AKAP13: variants seen among roughly 807,000 people sequenced by gnomAD.
The protein encoded by AKAP13 is A-kinase anchoring protein 13.
Under a neutral mutation model 264.5 loss-of-function variants are expected in AKAP13, and 80 were observed. That is an observed-to-expected ratio of 0.30 (90% CI 0.25 to 0.36). AKAP13 has a LOEUF of 0.36. AKAP13 is among the 10% of genes least tolerant of loss of function. The pLI, the probability that AKAP13 is intolerant of heterozygous loss-of-function variation, is 1.00. For missense variants in AKAP13, 3,712 were observed against 3,435.2 expected (o/e 1.08, Z -2.01); for synonymous variants, 1,380 against 1,250.2 (o/e 1.10, Z -2.19).
intron 2 of AKAP13, among the ~76,000 whole-genome samples, chr15:85,499,622 G>A (rs1001160951): frequency 6.6e-6 from 1 of 151,840 alleles, no homozygotes; most frequent in African/African-American, 2.4e-5. Context: ...ACTGTTAACG[G>A]CATCTCTTCC....
At chr15:85,484,199 T>G (rs1454312951) in intron 1 of AKAP13, among the ~76,000 whole-genome samples, 1 of 152,216 alleles carries the variant, frequency 6.6e-6, no homozygotes, top group East Asian at 1.9e-4. Flanking sequence ...TTTAATACAT[T>G]AAGAAGGCAC....
intron 9 of AKAP13, among the ~76,000 whole-genome samples, chr15:85,642,709 C>T (rs970816348): frequency 6.6e-6 from 1 of 152,178 alleles, no homozygotes; most frequent in East Asian, 1.9e-4. Flanking sequence ...GTGGTGCTGG[C>T]TTGAATTTAT....
rs904897981 is a variant in AKAP13, at chr15:85,445,486, A to T, written c.-11-40224A>T. Among the ~76,000 whole-genome samples, 8 of 152,252 alleles carry T rather than the reference A, an allele frequency of 5.3e-5. No homozygotes were observed. In the East Asian group the frequency reaches 1.5e-3, roughly 29 times the overall value. On this transcript the variant is annotated intron_variant, in intron 1 of 36. Transcript: ENST00000394518. ...TAGGCAGGAAATTTAGTTATTTAGG[A>T]TGTTTTGTTTCCTGAAATGTTATTT...
At chr15:85,470,379 T>A (rs2074917548) in intron 1 of AKAP13, among the ~76,000 whole-genome samples, 1 of 152,202 alleles carries the variant, frequency 6.6e-6, no homozygotes, top group East Asian at 1.9e-4. Context: ...AGTGCCTTTT[T>A]AAAACGCCAG....
rs752258098 is a variant in AKAP13, at chr15:85,579,492, C to T, written c.1424C>T (p.Thr475Ile). Residue 475 changes from threonine (T) to isoleucine (I), a missense_variant, in exon 7 of 37, where the codon ACC becomes ATC. Thr to Ile is a moderately conservative substitution (Grantham distance 89). Around this residue, in one of 3 missense-constraint regions of AKAP13, gnomAD observed 2,759 missense variants for 2,411.7 expected, o/e 1.14. Coordinates refer to ENST00000394518, the MANE Select transcript of AKAP13 (RefSeq NM_007200.5). ...LGGISTTNVSTPDTAGEMEHG... is the reference protein window; with the variant it reads ...LGGISTTNVSIPDTAGEMEHG... Reference sequence around the variant, plus strand: ...GGCATTTCAACAACAAATGTCAGTACCCCAGACACTGCAGGGGAAATGGAA... The same window carrying T: ...GGCATTTCAACAACAAATGTCAGTATCCCAGACACTGCAGGGGAAATGGAA... 1 of 1,614,142 alleles carries T rather than the reference C, an allele frequency of 6.2e-7. No individual in the cohort carries two copies.
rs753560705 is a variant in AKAP13 at position 85,645,776 on chromosome 15, T to G, written c.4238-42T>G. Reference sequence around the variant, plus strand: ...TTCTTTTTGTTTTTTGGTTTTTTTGTTTTTTTTTTTTCAATATTGGTGAAT... The same window carrying G: ...TTCTTTTTGTTTTTTGGTTTTTTTGGTTTTTTTTTTTCAATATTGGTGAAT... On this transcript the variant is annotated intron_variant, in intron 9 of 36. Coordinates refer to ENST00000394518, the MANE Select transcript of AKAP13 (RefSeq NM_007200.5). 23 of 1,158,728 alleles carry G rather than the reference T, an allele frequency of 2.0e-5. No individual in the cohort carries two copies. The Admixed American group carries it at 3.9e-4, about 20-fold the overall frequency. The allele number at this position is 1,158,728 out of a possible 1,614,324, so 71.8% of individuals were successfully genotyped here.
chr15:85,585,765 T>A lies in AKAP13; in HGVS notation c.4103T>A (p.Val1368Glu), dbSNP rs756187368. 3.7e-6 allele frequency: 6 copies of A among 1,614,164 alleles called. No individual in the cohort carries two copies. The highest frequency in any genetic ancestry group is 5.1e-6 in the Non-Finnish European group (6 of 1,180,002). The change falls in exon 8 of 37, where the codon GTG becomes GAG. Residue 1368 changes from valine to glutamate, a missense_variant. Val to Glu is a moderately radical substitution (Grantham distance 121). Coordinates refer to ENST00000394518, the MANE Select transcript of AKAP13 (RefSeq NM_007200.5). The part of the protein sequence containing the change: ...DFRASSISEE[V>E]AVGSIAATLK... ...AGAGCAAGTTCAATTTCTGAAGAAG[T>A]GGCTGTAGGGAGCATAGCTGCTACA...
chr15:85,498,395 G>GC (rs2075949534), intron 2 of AKAP13, among the ~76,000 whole-genome samples: 1 of 152,076 alleles, frequency 6.6e-6, no homozygotes, highest in Non-Finnish European at 1.5e-5. Flanking sequence ...AGCTTAGGTA[G>GC]CAACTACCTT....
chr15:85,658,438 G>T lies in AKAP13; in HGVS notation c.4746-99G>T. On this transcript the variant is annotated intron_variant, in intron 11 of 36. Transcript: ENST00000394518. Reference sequence around the variant, plus strand: ...TCTTGCCTGTGCCATTTCTCTTTGAGCAGTGTCTCTCTCCCCAGTGTGGTG... The same window carrying T: ...TCTTGCCTGTGCCATTTCTCTTTGATCAGTGTCTCTCTCCCCAGTGTGGTG... 3.1e-6 allele frequency: 3 copies of T among 961,974 alleles called. No individual in the cohort carries two copies. In the South Asian group the frequency reaches 4.9e-5, roughly 16 times the overall value. 59.6% of individuals were successfully genotyped at this position (961,974 alleles called of 1,614,324 possible). A position where few individuals can be genotyped will look rare whatever the true frequency, so the allele number is the denominator to read the frequency against.
chr15:85,692,186 C>T (rs1304430929), intron 16 of AKAP13, among the ~76,000 whole-genome samples: 2 of 152,156 alleles, frequency 1.3e-5, no homozygotes, highest in Non-Finnish European at 2.9e-5. Flanking sequence ...TCAAAACTTC[C>T]TTTCCCTTAC....
intron 5 of AKAP13, among the ~76,000 whole-genome samples, chr15:85,559,651 A>G (rs551298065): frequency 6.8e-6 from 1 of 146,116 alleles, no homozygotes; most frequent in African/African-American, 2.5e-5. Flanking sequence ...GATCCCTCAC[A>G]TACGCAGTTC....
At chr15:85,553,681 A>G (rs1487563755) in intron 5 of AKAP13, among the ~76,000 whole-genome samples, 1 of 152,208 alleles carries the variant, frequency 6.6e-6, no homozygotes, top group Non-Finnish European at 1.5e-5. Flanking sequence ...ACTTTAAATC[A>G]GGGGTCCCCA....
chr15:85,418,344 A>G (rs1174446148), intron 1 of AKAP13, among the ~76,000 whole-genome samples: 1 of 152,132 alleles, frequency 6.6e-6, no homozygotes, highest in Non-Finnish European at 1.5e-5. Flanking sequence ...GGCCTCCCAA[A>G]GTGCTGGGAT....
Position 85,580,223 on chromosome 15 carries a change from T to C in AKAP13, c.2155T>C (p.Ser719Pro), listed in dbSNP as rs1438605183. 1.9e-6 allele frequency: 3 copies of C among 1,614,072 alleles called. No individual in the cohort carries two copies. In the African/African-American group the frequency reaches 4.0e-5, roughly 22 times the overall value. Residue 719 changes from serine (S) to proline (P), a missense_variant, in exon 7 of 37, where the codon TCT becomes CCT. Around this residue, in one of 3 missense-constraint regions of AKAP13, gnomAD observed 2,759 missense variants for 2,411.7 expected, o/e 1.14. Transcript: ENST00000394518. ...CEDPQAHTVTSDPVRDTQERA... is the reference protein window; with the variant it reads ...CEDPQAHTVTPDPVRDTQERA... ...AGACCCACAGGCTCATACAGTCACC[T>C]CTGACCCTGTAAGGGATACCCAGGA...
At chr15:85,560,156 A>C (rs1226195233) in intron 5 of AKAP13, among the ~76,000 whole-genome samples, 4 of 123,538 alleles carry the variant, frequency 3.2e-5, no homozygotes, top group Admixed American at 2.5e-4. Context: ...AAAAAAAAAA[A>C]ACAGTAAAAA....
rs1277829290 is a variant in AKAP13 at position 85,655,685 on chromosome 15, G to A, written c.4643G>A (p.Cys1548Tyr). 1.2e-6 allele frequency: 2 copies of A among 1,614,088 alleles called. No individual in the cohort carries two copies. The highest frequency in any genetic ancestry group is 1.7e-5 in the Admixed American group (1 of 60,006). The change falls in exon 11 of 37, where the codon TGC becomes TAC. Residue 1548 changes from cysteine (C) to tyrosine (Y), a missense_variant. Physicochemically the swap from Cys to Tyr is radical, Grantham distance 194. This residue lies in a region of AKAP13 where 2,759 missense variants were observed against 2,411.7 expected (regional missense o/e 1.14). Transcript: ENST00000394518. The part of the protein sequence containing the change: ...MDSITEVPAN[C>Y]SVLRSSMRSL... ...AGTATCACTGAAGTGCCTGCAAACT[G>A]CTCTGTCCTAAGGAGCTCCATGCGC...
At chr15:85,512,401 C>T (rs2076458726) in intron 2 of AKAP13, among the ~76,000 whole-genome samples, 1 of 152,138 alleles carries the variant, frequency 6.6e-6, no homozygotes, top group Admixed American at 6.5e-5. Flanking sequence ...TTGTTCTTAG[C>T]ACCCTCTTTC....
intron 16 of AKAP13, among the ~76,000 whole-genome samples, chr15:85,686,145 CTG>C (rs36166313): frequency 0.11 from 16,339 of 149,310 alleles, 1,008 homozygotes; most frequent in East Asian, 0.21. Flanking sequence ...CAAGGAATCA[CTG>C]TGTGTGTGTG....
chr15:85,655,637 A>G lies in AKAP13; in HGVS notation c.4595A>G (p.Asp1532Gly), dbSNP rs998700136. The change falls in exon 11 of 37, where the codon GAC (aspartate) becomes GGC (glycine). Residue 1532 changes from aspartate (D) to glycine (G), a missense_variant. Coordinates refer to ENST00000394518, the MANE Select transcript of AKAP13 (RefSeq NM_007200.5). ...ESESEPADPG[D>G]VEEEEMDSIT... ...GAGAGTGAGCCTGCTGACCCAGGCG[A>G]CGTGGAGGAGGAGGAGATGGACAGT... 1.2e-6 allele frequency: 2 copies of G among 1,614,198 alleles called. No homozygotes were observed. Among genetic ancestry groups the G allele is most frequent in the African/African-American group, 2.7e-5 (2 of 75,046 alleles).
Sources: allele counts gnomAD v4.1 joint callset (sites outside exome capture counted in the v4.1 genomes callset), GRCh38; gene constraint gnomAD v4.1.1; regional missense constraint gnomAD v4.1.1; transcripts MANE v1.5; gene names NCBI Gene and HGNC (gene_info 2026-07-23, HGNC 2026-07-21).